CFAP36: variants seen among roughly 807,000 people sequenced by gnomAD.
CFAP36 encodes the protein cilia- and flagella-associated protein 36.
In CFAP36, 37 loss-of-function variants were observed where a neutral mutation model predicts 50.5. The observed-to-expected ratio is 0.73, with a 90% CI of 0.56 to 0.96. CFAP36 has a LOEUF of 0.96. Ranked by LOEUF, CFAP36 falls within the 50% of genes least tolerant of loss-of-function variation. The pLI, the probability that CFAP36 is intolerant of heterozygous loss-of-function variation, is 0.00. For missense variants in CFAP36, 407 were observed against 396.2 expected (o/e 1.03, Z -0.23); for synonymous variants, 138 against 128.2 (o/e 1.08, Z -0.52).
intron 7 of CFAP36, among the ~76,000 whole-genome samples, chr2:55,542,983 C>T (rs898294469): frequency 6.6e-6 from 1 of 152,110 alleles, no homozygotes; most frequent in Non-Finnish European, 1.5e-5. Context: ...AGTCTGGTCA[C>T]TGCTAGAGGA....
At chr2:55,524,706 G>C (rs1327996399) in intron 3 of CFAP36, among the ~76,000 whole-genome samples, 1 of 152,118 alleles carries the variant, frequency 6.6e-6, no homozygotes, top group Non-Finnish European at 1.5e-5. Flanking sequence ...ACCAGGCCCG[G>C]AGTAGTGGCT....
rs200706926 is a variant in CFAP36 at position 55,529,030 on chromosome 2, A to AT, written c.397+47dup. ...AGTTAGAAATCTAAGTACTAAATGC[A>AT]TTTTTTTTTACAGTTTTGACTATTC... On this transcript the variant is annotated intron_variant, in intron 4 of 9. Transcript: ENST00000349456. 8.0e-4 allele frequency: 1,098 copies of AT among 1,374,006 alleles called. 2 individuals are homozygous for AT. Among genetic ancestry groups the AT allele is most frequent in the African/African-American group, 2.3e-3 (161 of 68,990 alleles). 85.1% of individuals were successfully genotyped at this position (1,374,006 alleles called of 1,614,324 possible).
intron 7 of CFAP36, chr2:55,538,746 C>CTT (rs35188812): frequency 4.2e-4 from 522 of 1,247,336 alleles, no homozygotes; most frequent in Admixed American, 8.3e-4. Context: ...CCCATCCCTT[C>CTT]TTTTTTTTTT....
chr2:55,525,126 G>A (rs1401956931), intron 3 of CFAP36, among the ~76,000 whole-genome samples: 1 of 152,118 alleles, frequency 6.6e-6, no homozygotes, highest in Admixed American at 6.5e-5. Context: ...GGTGAGGATT[G>A]GGATATGTTG....
intron 7 of CFAP36, among the ~76,000 whole-genome samples, chr2:55,541,269 A>T (rs1250391182): frequency 1.2e-4 from 18 of 152,164 alleles, no homozygotes; most frequent in Admixed American, 1.2e-3. Flanking sequence ...GGTTGCAGTG[A>T]GCCAAGATCG....
chr2:55,541,775 T>C (rs1480724996), intron 7 of CFAP36, among the ~76,000 whole-genome samples: 2 of 152,188 alleles, frequency 1.3e-5, no homozygotes, highest in Non-Finnish European at 2.9e-5. Flanking sequence ...CATTTTTGCC[T>C]TGTTTCTGAT....
At chr2:55,526,607 A>C (rs1684214438) in intron 3 of CFAP36, among the ~76,000 whole-genome samples, 1 of 152,128 alleles carries the variant, frequency 6.6e-6, no homozygotes, top group Non-Finnish European at 1.5e-5. Context: ...ATGCCTGGCT[A>C]ATTTTTCAGT....
chr2:55,524,558 G>A (rs1281699204), intron 3 of CFAP36, among the ~76,000 whole-genome samples: 3 of 149,440 alleles, frequency 2.0e-5, no homozygotes, highest in South Asian at 2.2e-4. Flanking sequence ...GAGCCACCAC[G>A]CCCAGCCTGT....
chr2:55,530,446 C>T (rs1435159654), intron 4 of CFAP36, among the ~76,000 whole-genome samples: 1 of 152,224 alleles, frequency 6.6e-6, no homozygotes, highest in African/African-American at 2.4e-5. Context: ...ACCACACCAA[C>T]ACCCACTGTT....
At chr2:55,541,123 G>A (rs1384869547) in intron 7 of CFAP36, among the ~76,000 whole-genome samples, 1 of 152,170 alleles carries the variant, frequency 6.6e-6, no homozygotes, top group African/African-American at 2.4e-5. Flanking sequence ...AGGAGTTTGC[G>A]ACCAGTGTGG....
Position 55,544,968 on chromosome 2 carries a change from T to C in CFAP36, c.989T>C (p.Leu330Ser). 1 of 1,605,550 alleles carries C rather than the reference T, an allele frequency of 6.2e-7. No homozygotes were observed. Among genetic ancestry groups the C allele is most frequent in the Non-Finnish European group, 8.5e-7 (1 of 1,176,530 alleles). ...AAGCAAACATTACTAAAGAGGAGAT[T>C]GCTTGCAGAGAAACTCAAAGAAGAA... The part of the protein sequence containing the change: ...EEKQTLLKRR[L>S]LAEKLKEEVI... Residue 330 changes from leucine (L) to serine (S), a missense_variant, in exon 10 of 10, where the codon TTG (leucine) becomes TCG (serine). Physicochemically the swap from Leu to Ser is moderately radical, Grantham distance 145 (BLOSUM62 -2). Transcript: ENST00000349456.
intron 3 of CFAP36, among the ~76,000 whole-genome samples, chr2:55,526,764 G>A (rs1237828637): frequency 6.6e-6 from 1 of 152,094 alleles, no homozygotes; most frequent in East Asian, 2.0e-4. Context: ...GCTCATACCT[G>A]TAATCCCAAT....
chr2:55,522,134 T>A lies in CFAP36; in HGVS notation c.148T>A (p.Tyr50Asn). Residue 50 changes from tyrosine to asparagine, a missense_variant, in exon 2 of 10, where the codon TAT (tyrosine) becomes AAT (asparagine). Coordinates refer to ENST00000349456, the MANE Select transcript of CFAP36 (RefSeq NM_080667.7). The stretch of plus-strand genomic sequence containing the variant: ...TGATGAAGAAGAAAGCAAATTGACC[T>A]ATACAGAGATTCATCAGGAATACAA... Reference protein sequence around the residue: ...FDDEEESKLTYTEIHQEYKEL... With the variant: ...FDDEEESKLTNTEIHQEYKEL... The A allele has an allele frequency of 6.5e-7, 1 of 1,539,148 alleles. No homozygotes were observed. The highest frequency in any genetic ancestry group is 1.4e-5 in the African/African-American group (1 of 72,618).
At chr2:55,543,329 G>A (rs1047365587) in intron 7 of CFAP36, among the ~76,000 whole-genome samples, 1 of 152,074 alleles carries the variant, frequency 6.6e-6, no homozygotes, top group African/African-American at 2.4e-5. Flanking sequence ...GTCACCAAAT[G>A]GCTGGAAAGT....
intron 5 of CFAP36, among the ~76,000 whole-genome samples, chr2:55,534,748 A>C (rs1684438430): frequency 6.6e-6 from 1 of 152,260 alleles, no homozygotes; most frequent in South Asian, 2.1e-4. Flanking sequence ...CTATACTACC[A>C]CACATGACCA....
chr2:55,542,260 TGTACACATTAATG>T (rs1490058833), intron 7 of CFAP36, among the ~76,000 whole-genome samples: 1 of 152,242 alleles, frequency 6.6e-6, no homozygotes, highest in Non-Finnish European at 1.5e-5. Flanking sequence ...ATAATTCAGT[TGTACACATTAATG>T]GTACACCATA....
chr2:55,535,663 T>A, intron 5 of CFAP36, 49 bp from the exon 6 acceptor site: 1 of 1,392,192 alleles, frequency 7.2e-7, no homozygotes, highest in Non-Finnish European at 9.6e-7. Context: ...ATTTGTTCTT[T>A]GACCAAAAAA....
chr2:55,543,948 G>A lies in CFAP36; in HGVS notation c.651G>A (p.Met217Ile), dbSNP rs373930835. The A allele has an allele frequency of 1.2e-6, 2 of 1,611,892 alleles. No individual in the cohort carries two copies. The highest frequency in any genetic ancestry group is 1.7e-6 in the Non-Finnish European group (2 of 1,178,990). Residue 217 changes from methionine (M) to isoleucine (I), a missense_variant, in exon 8 of 10, where the codon ATG (methionine) becomes ATA (isoleucine). By Grantham distance (10) the Met-to-Ile change is conservative. Transcript: ENST00000349456. Reference sequence around the variant, plus strand: ...TCTACTTATTGCCAGAAGTTAAAATGCATTTTGCTAATCAGTCAATAGAAC... The same window carrying A: ...TCTACTTATTGCCAGAAGTTAAAATACATTTTGCTAATCAGTCAATAGAAC... ...HFAHPPSEVK[M>I]HFANQSIEPL...
rs1684708906 is a variant in CFAP36 at position 55,544,020 on chromosome 2, A to G, written c.723A>G (p.Gln241=). The change falls in exon 8 of 10, where the codon CAA becomes CAG. Residue 241 remains glutamine, a synonymous_variant. Transcript: ENST00000349456. ...VERSETSSLP[Q]KDLKIPGLEH... is the part of the protein sequence containing the mutation. The stretch of plus-strand genomic sequence containing the variant: ...GGTCTGAAACTTCCTCCCTCCCACA[A>G]AAAGACCTGAAGATTCCTGGCTTAG... 3 of 1,613,922 alleles carry G rather than the reference A, an allele frequency of 1.9e-6. No individual in the cohort carries two copies. The highest frequency in any genetic ancestry group is 1.1e-5 in the South Asian group (1 of 91,086).
Sources: allele counts gnomAD v4.1 joint callset (sites outside exome capture counted in the v4.1 genomes callset), GRCh38; gene constraint gnomAD v4.1.1; transcripts MANE v1.5; gene names NCBI Gene and HGNC (gene_info 2026-07-23, HGNC 2026-07-21).